The following SLCO3A1 variants were observed in gnomAD, a reference collection of about 807,000 sequenced individuals.
The protein encoded by SLCO3A1 is PGE1 transporter.
A neutral mutation model predicts 63.1 loss-of-function variants in SLCO3A1; 27 were observed. The observed-to-expected ratio is 0.43, with a 90% confidence interval of 0.32 to 0.59. The LOEUF (loss-of-function observed/expected upper bound fraction) is 0.59, where lower values mean the gene tolerates loss of function less well. SLCO3A1 is among the 20% of genes least tolerant of loss of function. SLCO3A1 has a pLI of 0.09. For synonymous variants in SLCO3A1, 473 were observed against 409.9 expected (o/e 1.15, Z -1.86); for missense variants, 773 against 945.8 (o/e 0.82, Z 2.40).
intron 1 of SLCO3A1, among the ~76,000 whole-genome samples, chr15:91,871,133 A>G (rs540897350): frequency 6.6e-6 from 1 of 151,780 alleles, no homozygotes; most frequent in South Asian, 2.1e-4. Flanking sequence ...TCTTTCTTTG[A>G]TTTATTTATT....
intron 2 of SLCO3A1, among the ~76,000 whole-genome samples, chr15:92,053,677 T>G (rs1466208914): frequency 1.8e-5 from 1 of 54,134 alleles, no homozygotes; most frequent in African/African-American, 6.3e-5. Flanking sequence ...TTATGTTTTG[T>G]TTTTTTGTTT....
At chr15:91,931,469 G>A (rs1386574413) in intron 2 of SLCO3A1, among the ~76,000 whole-genome samples, 3 of 149,422 alleles carry the variant, frequency 2.0e-5, no homozygotes, top group African/African-American at 7.4e-5. Flanking sequence ...CTGCTGGGTT[G>A]TATCTTTTTT....
intron 2 of SLCO3A1, among the ~76,000 whole-genome samples, chr15:91,973,618 C>T (rs1226702943): frequency 6.6e-6 from 1 of 152,182 alleles, no homozygotes; most frequent in East Asian, 1.9e-4. Context: ...GGTGCTTTTG[C>T]ACCTCATGAC....
At chr15:92,064,958 C>G (rs1320551770) in intron 2 of SLCO3A1, among the ~76,000 whole-genome samples, 1 of 152,128 alleles carries the variant, frequency 6.6e-6, no homozygotes, top group Admixed American at 6.5e-5. Context: ...AATAGCACAG[C>G]AAGGTGACTG....
At chr15:92,016,242 TAGA>T (rs1371148571) in intron 2 of SLCO3A1, among the ~76,000 whole-genome samples, 24 of 53,852 alleles carry the variant, frequency 4.5e-4, no homozygotes, top group Middle Eastern at 9.4e-3. Flanking sequence ...GATAGATAGA[TAGA>T]TAGATAGATT....
intron 2 of SLCO3A1, among the ~76,000 whole-genome samples, chr15:92,046,279 C>G (rs535516680): frequency 2.7e-4 from 41 of 152,110 alleles, no homozygotes; most frequent in Admixed American, 1.0e-3. Context: ...CTTTGGGAGG[C>G]CGAGACGGAT....
chr15:91,880,397 C>CTG (rs747889224), intron 1 of SLCO3A1, among the ~76,000 whole-genome samples: 2 of 94,174 alleles, frequency 2.1e-5, no homozygotes, highest in African/African-American at 6.8e-5. Context: ...CTCTCTCTCT[C>CTG]TCTCTCTCTC....
intron 7 of SLCO3A1, among the ~76,000 whole-genome samples, chr15:92,136,372 A>G (rs1160440292): frequency 6.6e-6 from 1 of 152,220 alleles, no homozygotes; most frequent in Non-Finnish European, 1.5e-5. Context: ...TTTATTTGCC[A>G]GTATTTTTGA....
At chr15:91,857,998 G>C (rs1216124043) in intron 1 of SLCO3A1, among the ~76,000 whole-genome samples, 1 of 151,024 alleles carries the variant, frequency 6.6e-6, no homozygotes, top group Non-Finnish European at 1.5e-5. Flanking sequence ...AGATGACTGA[G>C]TGTGGTTAAT....
intron 1 of SLCO3A1, among the ~76,000 whole-genome samples, chr15:91,892,928 C>T (rs997619227): frequency 6.6e-6 from 1 of 152,218 alleles, no homozygotes; most frequent in Non-Finnish European, 1.5e-5. Flanking sequence ...TAATCTGGTG[C>T]ATAGCAGGTG....
intron 2 of SLCO3A1, among the ~76,000 whole-genome samples, chr15:92,024,781 A>G (rs905494457): frequency 2.6e-5 from 4 of 152,250 alleles, no homozygotes; most frequent in African/African-American, 7.2e-5. Context: ...CTCTCTGAGA[A>G]GGTGACATTT....
intron 2 of SLCO3A1, among the ~76,000 whole-genome samples, chr15:91,956,966 A>ATATATATAT (rs1900204733): frequency 2.7e-5 from 1 of 37,518 alleles, no homozygotes; most frequent in African/African-American, 2.0e-4. Context: ...TTATTTATAT[A>ATATATATAT]TATATATATA....
At chr15:92,021,179 C>T (rs913568068) in intron 2 of SLCO3A1, among the ~76,000 whole-genome samples, 1 of 152,142 alleles carries the variant, frequency 6.6e-6, no homozygotes. Flanking sequence ...TTTGGGTGGC[C>T]CAGACTTAGT....
intron 8 of SLCO3A1, 31 bp from the exon 9 acceptor site, chr15:92,150,917 GTT>G (rs76758332): frequency 2.9e-6 from 4 of 1,381,276 alleles, no homozygotes; most frequent in African/African-American, 1.5e-5. Context: ...TAAAAATCTG[GTT>G]TTTTTTTTCT....
At chr15:91,857,299 A>G (rs549792428) in intron 1 of SLCO3A1, among the ~76,000 whole-genome samples, 1 of 152,298 alleles carries the variant, frequency 6.6e-6, no homozygotes, top group African/African-American at 2.4e-5. Flanking sequence ...TAGATAAAGT[A>G]ACCCAGGTGC....
chr15:92,145,632 C>T (rs1567144845), intron 7 of SLCO3A1, among the ~76,000 whole-genome samples: 1 of 152,074 alleles, frequency 6.6e-6, no homozygotes, highest in East Asian at 1.9e-4. Flanking sequence ...GAGGCAGTAT[C>T]TGAGCTGGGT....
chr15:92,001,771 C>G, intron 2 of SLCO3A1, among the ~76,000 whole-genome samples: 1 of 150,436 alleles, frequency 6.6e-6, no homozygotes, highest in East Asian at 1.9e-4. Context: ...AGTTCTTGCA[C>G]TTTGCCGGGC....
At chr15:91,992,483 A>T (rs116920197) in intron 2 of SLCO3A1, among the ~76,000 whole-genome samples, 17 of 152,328 alleles carry the variant, frequency 1.1e-4, no homozygotes, top group Non-Finnish European at 2.4e-4. Context: ...CATCGTTGAT[A>T]TGCTCAAGGA....
intron 1 of SLCO3A1, among the ~76,000 whole-genome samples, chr15:91,891,452 C>G (rs772676970): frequency 2.0e-5 from 3 of 152,182 alleles, no homozygotes; most frequent in Non-Finnish European, 2.9e-5. Context: ...ATAGGGTCAG[C>G]TAAGCCTTCT....
Sources: allele counts gnomAD v4.1 joint callset (sites outside exome capture counted in the v4.1 genomes callset), GRCh38; gene constraint gnomAD v4.1.1; transcripts MANE v1.5; gene names NCBI Gene and HGNC (gene_info 2026-07-23, HGNC 2026-07-21).